SEMA3C: variants seen among roughly 807,000 people sequenced by gnomAD.
The protein encoded by SEMA3C is semaphorin-3C.
SEMA3C carries 47 observed loss-of-function variants against 89.4 expected under a neutral mutation model. The observed-to-expected ratio is 0.53, with a 90% CI of 0.42 to 0.67. The LOEUF is 0.67. Among genes scored for constraint, SEMA3C ranks in the 30% least tolerant of loss-of-function variants. The probability of loss-of-function intolerance (pLI) is 0.00; values close to 1 mark genes in which losing one functional copy is unlikely to be tolerated. For missense variants in SEMA3C, 839 were observed against 929.1 expected (o/e 0.90, Z 1.26); for synonymous variants, 310 against 320.2 (o/e 0.97, Z 0.34).
At chr7:80,822,726 G>T (rs1463427743) in intron 4 of SEMA3C, among the ~76,000 whole-genome samples, 2 of 152,134 alleles carry the variant, frequency 1.3e-5, no homozygotes, top group Non-Finnish European at 2.9e-5. Flanking sequence ...TCCTAAAATG[G>T]CAATGGTAAT....
In SEMA3C at chr7:80,760,997, T is replaced by C. The variant is rs1788170707; in HGVS notation, c.1485+619A>G. Among the ~76,000 whole-genome samples the C allele has an allele frequency of 2.0e-5, 3 of 152,310 alleles. No homozygotes were observed. In the South Asian group the frequency reaches 6.2e-4, roughly 32 times the overall value. ...CTCATGTATATATTGGAATTGTACT[T>C]TTTATTTCAATGATCATTGTATATT... is the stretch of plus-strand genomic sequence containing the variant. On this transcript the variant is annotated intron_variant, in intron 14 of 17. Coordinates refer to ENST00000265361, the MANE Select transcript of SEMA3C (RefSeq NM_006379.5).
chr7:80,903,412 G>C (rs1424203062), intron 2 of SEMA3C, among the ~76,000 whole-genome samples: 2 of 152,186 alleles, frequency 1.3e-5, no homozygotes, highest in Non-Finnish European at 2.9e-5. Flanking sequence ...TGTAATCCCA[G>C]CACTTTGGGA....
intron 2 of SEMA3C, among the ~76,000 whole-genome samples, chr7:80,907,237 A>G (rs1165181316): frequency 2.0e-5 from 3 of 152,132 alleles, no homozygotes; most frequent in Non-Finnish European, 4.4e-5. Context: ...TTGCATGTGC[A>G]TTAAAGCTGT....
At chr7:80,868,022 T>C (rs1790969190) in intron 2 of SEMA3C, among the ~76,000 whole-genome samples, 1 of 152,172 alleles carries the variant, frequency 6.6e-6, no homozygotes, top group African/African-American at 2.4e-5. Context: ...GATGACTTAA[T>C]TGTATTATGA....
upstream of SEMA3C, among the ~76,000 whole-genome samples, chr7:80,921,467 C>G (rs1347562083): frequency 1.3e-5 from 2 of 152,162 alleles, no homozygotes; most frequent in East Asian, 3.9e-4. Flanking sequence ...CCCACATTTC[C>G]CCACACTGCT....
intron 2 of SEMA3C, among the ~76,000 whole-genome samples, chr7:80,853,706 G>C (rs1790569424): frequency 6.6e-6 from 1 of 152,122 alleles, no homozygotes; most frequent in Non-Finnish European, 1.5e-5. Flanking sequence ...TGGAGTATTC[G>C]ATAGCACAAC....
chr7:80,759,154 C>T (rs1788130754), intron 14 of SEMA3C, among the ~76,000 whole-genome samples: 1 of 152,106 alleles, frequency 6.6e-6, no homozygotes, highest in Non-Finnish European at 1.5e-5. Flanking sequence ...TGTAGGATGT[C>T]TACTGCTTCC....
intron 11 of SEMA3C, among the ~76,000 whole-genome samples, chr7:80,797,827 G>C (rs925258193): frequency 6.6e-6 from 1 of 152,034 alleles, no homozygotes; most frequent in African/African-American, 2.4e-5. Context: ...GTGAAACCCT[G>C]TCTCTACTAA....
chr7:80,747,165 T>C (rs2117024045), intron 17 of SEMA3C, among the ~76,000 whole-genome samples: 1 of 152,228 alleles, frequency 6.6e-6, no homozygotes, highest in South Asian at 2.1e-4. Flanking sequence ...ATGCCACTAT[T>C]AAATTATTAC....
At position 80,743,918 on chromosome 7, in the gene SEMA3C, C is replaced by A. The variant is rs191294769; in HGVS notation, c.*976G>T. The A allele has an allele frequency of 2.6e-5, 4 of 152,100 alleles. No homozygotes were observed. The highest frequency in any genetic ancestry group is 9.6e-5 in the African/African-American group (4 of 41,556). The allele number at this position is 152,100 out of a possible 1,614,324, so 9.4% of individuals were successfully genotyped here. A position where few individuals can be genotyped will look rare whatever the true frequency, so the allele number is the denominator to read the frequency against. On this transcript the variant is annotated 3_prime_UTR_variant, in exon 18 of 18. Transcript: ENST00000265361. ...AAGGAAGAATCATTGAATTTGAGTA[C>A]TGAAGTTGAAAACTAGCCATATTTG... is the stretch of plus-strand genomic sequence containing the variant.
intron 16 of SEMA3C, 143 bp downstream of exon 16, chr7:80,751,126 C>T (rs1000905856): frequency 4.7e-6 from 3 of 632,396 alleles, no homozygotes; most frequent in African/African-American, 3.7e-5. Context: ...GTTTTAATTA[C>T]CCTATATAAA....
intron 2 of SEMA3C, among the ~76,000 whole-genome samples, chr7:80,906,656 T>C (rs185828453): frequency 6.6e-6 from 1 of 152,218 alleles, no homozygotes; most frequent in Admixed American, 6.5e-5. Context: ...ATTATGCGTA[T>C]TAAAAGTGTT....
chr7:80,752,358 TC>T (rs1192432463), intron 15 of SEMA3C, among the ~76,000 whole-genome samples: 1 of 152,098 alleles, frequency 6.6e-6, no homozygotes, highest in African/African-American at 2.4e-5. Flanking sequence ...ACGCCTGTAA[TC>T]CCAGCACTTT....
At chr7:80,842,695 C>T (rs1220931826) in intron 2 of SEMA3C, among the ~76,000 whole-genome samples, 1 of 152,056 alleles carries the variant, frequency 6.6e-6, no homozygotes, top group East Asian at 1.9e-4. Flanking sequence ...ACACATTTTA[C>T]TAGGCAAAAT....
At chr7:80,807,234 C>T (rs1217980460) in intron 6 of SEMA3C, among the ~76,000 whole-genome samples, 1 of 152,048 alleles carries the variant, frequency 6.6e-6, no homozygotes, top group Non-Finnish European at 1.5e-5. Flanking sequence ...TACATTCCTG[C>T]TGTTCAACAG....
At chr7:80,886,943 T>C (rs1791494969) in intron 2 of SEMA3C, among the ~76,000 whole-genome samples, 1 of 152,154 alleles carries the variant, frequency 6.6e-6, no homozygotes, top group Admixed American at 6.5e-5. Flanking sequence ...ATTGATCAAT[T>C]TTTCTTTCAA....
chr7:80,775,712 T>C (rs1406269616), intron 12 of SEMA3C, among the ~76,000 whole-genome samples: 2 of 152,118 alleles, frequency 1.3e-5, no homozygotes, highest in Admixed American at 6.5e-5. Flanking sequence ...TGAAGATTTC[T>C]GTTTCACTGC....
intron 2 of SEMA3C, among the ~76,000 whole-genome samples, chr7:80,866,097 G>A (rs141663796): frequency 7.2e-5 from 11 of 152,192 alleles, no homozygotes; most frequent in African/African-American, 2.6e-4. Context: ...TGTCTTATTA[G>A]AGCAGGATAA....
intron 6 of SEMA3C, among the ~76,000 whole-genome samples, chr7:80,810,130 A>C (rs534544897): frequency 6.6e-6 from 1 of 152,294 alleles, no homozygotes; most frequent in South Asian, 2.1e-4. Context: ...GAGGTAATGG[A>C]TATGTCAATT....
Sources: gnomAD v4.1 joint callset for allele counts (sites outside exome capture counted in the v4.1 genomes callset) on GRCh38, gnomAD v4.1.1 for gene constraint, MANE v1.5 for transcripts, NCBI Gene and HGNC (gene_info 2026-07-23, HGNC 2026-07-21) for gene names.